The following STOX1 variants were observed in gnomAD, a reference collection of about 807,000 sequenced individuals.
STOX1 encodes the protein storkhead-box protein 1.
STOX1 carries 57 observed loss-of-function variants against 74.8 expected under a neutral mutation model. The observed-to-expected ratio is 0.76, with a 90% confidence interval of 0.62 to 0.95. The LOEUF (loss-of-function observed/expected upper bound fraction) is 0.95. Among genes scored for constraint, STOX1 ranks in the 40% least tolerant of loss-of-function variants. The pLI is 0.00. For missense variants in STOX1, 1,010 were observed against 1,117.0 expected, an observed-to-expected ratio of 0.90 and a Z score of 1.37; for synonymous variants, 375 against 401.3, an observed-to-expected ratio of 0.93 and a Z score of 0.78.
chr10:68,862,392 A>G (rs918174694), intron 1 of STOX1, among the ~76,000 whole-genome samples: 2 of 152,126 alleles, frequency 1.3e-5, no homozygotes, highest in Non-Finnish European at 2.9e-5. Context: ...AAGTTACATA[A>G]TAATTAGGGA....
Position 68,877,811 on chromosome 10 carries a change from TG to T in STOX1, c.311-4146del, listed in dbSNP as rs372234203. 3.2e-3 allele frequency among the ~76,000 whole-genome samples: 492 copies of T among 152,360 alleles called. 3 individuals carry two copies. The highest frequency in any genetic ancestry group is 0.011 in the African/African-American group (465 of 41,580). On this transcript the variant is annotated intron_variant, in intron 1 of 3. Transcript: ENST00000298596. Reference sequence around the variant, plus strand: ...TGAAGTGAGGCTCAAATGGGTATTATGTGGCTAAGGAAAGCCTTCAGGCTTT... The same window carrying T: ...TGAAGTGAGGCTCAAATGGGTATTATTGGCTAAGGAAAGCCTTCAGGCTTT...
chr10:68,860,979 T>G (rs1840253945), intron 1 of STOX1, among the ~76,000 whole-genome samples: 1 of 151,968 alleles, frequency 6.6e-6, no homozygotes, highest in South Asian at 2.1e-4. Flanking sequence ...GAGCCCAAGG[T>G]GGGCAGATCA....
In STOX1 at chr10:68,885,063, C is replaced by T. The variant is rs778545818; in HGVS notation, c.1267C>T (p.Gln423Ter). The T allele has an allele frequency of 6.2e-7, 1 of 1,614,068 alleles. No homozygotes were observed. Among genetic ancestry groups the T allele is most frequent in the Non-Finnish European group, 8.5e-7 (1 of 1,180,012 alleles). ...KKRQGLSAKP[Q>*]GQGHSRRDRH... is the part of the protein sequence containing the mutation. ...AAGGCAGGGTCTGTCTGCAAAACCT[C>T]AAGGGCAGGGCCATTCTCGAAGGGA... Residue 423 changes from glutamine to a stop codon, truncating the protein, a stop_gained, in exon 3 of 4, where the codon CAA becomes TAA. Transcript: ENST00000298596. LOFTEE classifies it high-confidence loss of function.
intron 1 of STOX1, among the ~76,000 whole-genome samples, chr10:68,874,013 C>CTTTTTT (rs1160388935): frequency 0.043 from 1,108 of 25,712 alleles, 253 homozygotes; most frequent in Admixed American, 0.092. Flanking sequence ...GCTAGGTAGC[C>CTTTTTT]TTTTTTTTTT....
intron 3 of STOX1, among the ~76,000 whole-genome samples, chr10:68,891,435 G>A (rs141804899): frequency 3.9e-5 from 6 of 152,158 alleles, no homozygotes; most frequent in Non-Finnish European, 5.9e-5. Context: ...CTTATTAGAC[G>A]AAATATGTTT....
chr10:68,878,115 C>G (rs1434192696), intron 1 of STOX1, among the ~76,000 whole-genome samples: 1 of 152,042 alleles, frequency 6.6e-6, no homozygotes, highest in Non-Finnish European at 1.5e-5. Context: ...GATGGGTAAT[C>G]AATTCAAGAT....
chr10:68,833,569 G>T (rs951081199), intron 1 of STOX1, among the ~76,000 whole-genome samples: 7 of 152,076 alleles, frequency 4.6e-5, no homozygotes, highest in African/African-American at 1.7e-4. Context: ...CGTGACAGGG[G>T]CTGCATGCAC....
chr10:68,885,875 A>G lies in STOX1; in HGVS notation c.2079A>G (p.Glu693=). 6.2e-7 allele frequency: 1 copy of G among 1,614,178 alleles called. No homozygotes were observed. The highest frequency in any genetic ancestry group is 1.3e-5 in the African/African-American group (1 of 75,064). Residue 693 remains glutamate, a synonymous_variant, in exon 3 of 4, where the codon GAA becomes GAG. Coordinates refer to ENST00000298596, the MANE Select transcript of STOX1 (RefSeq NM_152709.5). ...QAARQDKDSE[E]LLRKGFVQDA... is the part of the protein sequence containing the mutation. The stretch of plus-strand genomic sequence containing the variant: ...CAAGACAAGACAAAGACTCAGAAGA[A>G]TTATTGAGAAAAGGATTTGTCCAGG...
In STOX1 at chr10:68,827,680, G is replaced by T; in HGVS notation, c.57G>T (p.Leu19=). The T allele has an allele frequency of 9.0e-7, 1 of 1,111,456 alleles. No individual in the cohort carries two copies. Among genetic ancestry groups the T allele is most frequent in the Non-Finnish European group, 1.1e-6 (1 of 907,298 alleles). The allele number at this position is 1,111,456 out of a possible 1,614,324, so 68.8% of individuals were successfully genotyped here. ...CGCTGGCGCTAGTGCTGTGCCGGCT[G>T]GAGGCGCAGAAGGCGGCGGGGGCCG... ...PGSLALVLCR[L]EAQKAAGAAE... The change falls in exon 1 of 4, where the codon CTG becomes CTT. Residue 19 remains leucine (L), a synonymous_variant. Transcript: ENST00000298596.
At chr10:68,842,464 T>A (rs1213727348) in intron 1 of STOX1, among the ~76,000 whole-genome samples, 3 of 152,124 alleles carry the variant, frequency 2.0e-5, no homozygotes, top group Non-Finnish European at 2.9e-5. Flanking sequence ...ATTTATCTTT[T>A]GAGGAAAAGG....
intron 2 of STOX1, among the ~76,000 whole-genome samples, chr10:68,882,445 A>G (rs957235118): frequency 9.9e-5 from 15 of 151,694 alleles, no homozygotes; most frequent in African/African-American, 3.4e-4. Context: ...AATAACTGCT[A>G]TTATCATTTC....
At chr10:68,892,498 A>T in intron 3 of STOX1, 91 bp from the exon 4 acceptor site, 1 of 1,187,566 alleles carries the variant, frequency 8.4e-7, no homozygotes, top group Non-Finnish European at 1.3e-6. Context: ...TAAATGTACT[A>T]CTTCAAAGTA....
chr10:68,863,527 C>T (rs1429341652), intron 1 of STOX1, among the ~76,000 whole-genome samples: 1 of 152,088 alleles, frequency 6.6e-6, no homozygotes, highest in Non-Finnish European at 1.5e-5. Context: ...CTGTGTTTGA[C>T]ACCAGAGGCA....
intron 3 of STOX1, among the ~76,000 whole-genome samples, chr10:68,886,915 C>T (rs7080377): frequency 0.15 from 22,758 of 150,128 alleles, 3,474 homozygotes; most frequent in African/African-American, 0.4. Context: ...CAAGACTCTG[C>T]CTCAAAAAAA....
intron 1 of STOX1, among the ~76,000 whole-genome samples, chr10:68,861,463 A>G (rs1276416801): frequency 2.6e-5 from 4 of 151,680 alleles, no homozygotes; most frequent in Non-Finnish European, 4.4e-5. Context: ...TAAACCAGCA[A>G]CCTCCAGCGT....
intron 1 of STOX1, among the ~76,000 whole-genome samples, chr10:68,870,810 C>G (rs560237364): frequency 6.6e-6 from 1 of 152,284 alleles, no homozygotes; most frequent in African/African-American, 2.4e-5. Context: ...CTGCCGTCCT[C>G]AGTCCTACAA....
At chr10:68,877,249 G>A (rs1435420363) in intron 1 of STOX1, among the ~76,000 whole-genome samples, 1 of 152,034 alleles carries the variant, frequency 6.6e-6, no homozygotes, top group East Asian at 1.9e-4. Flanking sequence ...TAGTAGATTT[G>A]TTCACTCTTT....
chr10:68,885,748 G>A lies in STOX1; in HGVS notation c.1952G>A (p.Arg651Gln), dbSNP rs746444738. ...LPSRGASFSD[R>Q]TPSACRLVDN... ...TCACGAGGTGCCTCCTTTTCAGACC[G>A]AACACCCTCTGCTTGTAGATTAGTG... Residue 651 changes from arginine to glutamine, a missense_variant, in exon 3 of 4, where the codon CGA becomes CAA. Physicochemically the swap from Arg to Gln is conservative, Grantham distance 43 (BLOSUM62 1). Transcript: ENST00000298596. 26 of 1,613,978 alleles carry A rather than the reference G, an allele frequency of 1.6e-5. No homozygotes were observed. The highest frequency in any genetic ancestry group is 2.0e-5 in the Non-Finnish European group (24 of 1,180,030).
chr10:68,860,431 G>C (rs1407078059), intron 1 of STOX1, among the ~76,000 whole-genome samples: 1 of 151,252 alleles, frequency 6.6e-6, no homozygotes, highest in Non-Finnish European at 1.5e-5. Context: ...AAATTAGCCA[G>C]GCATGGCAGG....
Sources: gnomAD v4.1 joint callset for allele counts (sites outside exome capture counted in the v4.1 genomes callset) on GRCh38, gnomAD v4.1.1 for gene constraint, MANE v1.5 for transcripts, NCBI Gene and HGNC (gene_info 2026-07-23, HGNC 2026-07-21) for gene names.